The following COL26A1 variants were observed in gnomAD, a reference collection of about 807,000 sequenced individuals.
COL26A1 encodes the protein collagen alpha-1(XXVI) chain.
In COL26A1, 41 loss-of-function variants were observed where a neutral mutation model predicts 59.3. The ratio of observed to expected loss-of-function variants is 0.69; its 90% CI spans 0.54 to 0.90. The LOEUF (loss-of-function observed/expected upper bound fraction) is 0.90. Among genes scored for constraint, COL26A1 ranks in the 40% least tolerant of loss-of-function variants. The pLI, the probability that COL26A1 is intolerant of heterozygous loss-of-function variation, is 0.00. For missense variants in COL26A1, 612 were observed against 602.3 expected (o/e 1.02, Z -0.17); for synonymous variants, 266 against 256.0 (o/e 1.04, Z -0.37).
chr7:101,458,076 A>G (rs1054061106), intron 3 of COL26A1, among the ~76,000 whole-genome samples: 2 of 151,914 alleles, frequency 1.3e-5, no homozygotes, highest in African/African-American at 4.8e-5. Context: ...TTGTATTTTT[A>G]GTAGAGATGG....
rs778418830 is a variant in COL26A1 at position 101,362,993 on chromosome 7, C to T, written c.-40C>T. ...GCGCCGGTGCGCTCCTGCCGGTCCT[C>T]GTGCCCGGGACTCCGGGTCCCCGCG... On this transcript the variant is annotated 5_prime_UTR_variant, in exon 1 of 13. Coordinates refer to ENST00000313669, the MANE Select transcript of COL26A1 (RefSeq NM_001278563.3). 27 of 1,542,790 alleles carry T rather than the reference C, an allele frequency of 1.8e-5. No individual in the cohort carries two copies. The African/African-American group carries it at 2.5e-4, about 14-fold the overall frequency.
intron 3 of COL26A1, among the ~76,000 whole-genome samples, chr7:101,475,382 C>A (rs1215272675): frequency 6.6e-6 from 1 of 151,636 alleles, no homozygotes; most frequent in African/African-American, 2.4e-5. Context: ...CTTTTATGAC[C>A]CGTGTCAGGG....
chr7:101,466,849 A>G (rs1793774962), intron 3 of COL26A1, among the ~76,000 whole-genome samples: 1 of 131,504 alleles, frequency 7.6e-6, no homozygotes, highest in Admixed American at 7.7e-5. Flanking sequence ...AGAGAGAGAG[A>G]TTCAGTCTCT....
At chr7:101,381,431 C>T (rs1301040918) in intron 1 of COL26A1, among the ~76,000 whole-genome samples, 3 of 152,138 alleles carry the variant, frequency 2.0e-5, no homozygotes, top group African/African-American at 7.2e-5. Flanking sequence ...TCCCTTTAAC[C>T]ATGTGTCTTA....
chr7:101,449,796 A>G (rs1793285490), intron 3 of COL26A1, among the ~76,000 whole-genome samples: 1 of 152,146 alleles, frequency 6.6e-6, no homozygotes, highest in African/African-American at 2.4e-5. Context: ...ATTAAAAACT[A>G]TTATGCTCAT....
At chr7:101,531,664 G>C (rs1795370971) in intron 3 of COL26A1, among the ~76,000 whole-genome samples, 1 of 152,134 alleles carries the variant, frequency 6.6e-6, no homozygotes, top group South Asian at 2.1e-4. Context: ...CCGAGACTGA[G>C]CACCCTGAGG....
intron 3 of COL26A1, among the ~76,000 whole-genome samples, chr7:101,482,194 G>C (rs1414620215): frequency 3.9e-5 from 6 of 152,076 alleles, no homozygotes; most frequent in Non-Finnish European, 8.8e-5. Context: ...TTTTAGTAGA[G>C]ACGGGGTTTT....
chr7:101,517,836 T>A (rs1795063605), intron 3 of COL26A1, among the ~76,000 whole-genome samples: 1 of 128,186 alleles, frequency 7.8e-6, no homozygotes, highest in African/African-American at 3.0e-5. Flanking sequence ...TTTTTTGAGA[T>A]GAGGTCTTGC....
intron 3 of COL26A1, among the ~76,000 whole-genome samples, chr7:101,462,633 A>C (rs563057972): frequency 2.0e-4 from 31 of 151,988 alleles, no homozygotes; most frequent in African/African-American, 4.3e-4. Flanking sequence ...TCATGTATTT[A>C]TTTCTTTTTC....
At chr7:101,376,139 A>G (rs1484614782) in intron 1 of COL26A1, among the ~76,000 whole-genome samples, 1 of 10,802 alleles carries the variant, frequency 9.3e-5, no homozygotes, top group South Asian at 6.2e-3. Context: ...TGTATCTACA[A>G]AAAAAAAAAA....
intron 3 of COL26A1, among the ~76,000 whole-genome samples, chr7:101,521,848 G>A (rs544745425): frequency 6.6e-6 from 1 of 152,138 alleles, no homozygotes; most frequent in East Asian, 1.9e-4. Flanking sequence ...GCTTGTTTCT[G>A]AACTTCAGAT....
Position 101,489,810 on chromosome 7 carries a change from CTT to C in COL26A1, c.385+42025_385+42026del, listed in dbSNP as rs1161636539. ...TCTTTCTTTCTTTCTTTCTTTCTTT[CTT>C]TCTTTCTTTCTTTCTTTCTTTCTTT... is the stretch of plus-strand genomic sequence containing the variant. On this transcript the variant is annotated intron_variant, in intron 3 of 12. Coordinates refer to ENST00000313669, the MANE Select transcript of COL26A1 (RefSeq NM_001278563.3). 5.9e-3 allele frequency among the ~76,000 whole-genome samples: 21 copies of C among 3,532 alleles called. 2 individuals are homozygous for C. Among genetic ancestry groups the C allele is most frequent in the Admixed American group, 0.02 (7 of 342 alleles). The allele number at this position is 3,532 out of a possible 152,430, so 2.3% of individuals were successfully genotyped here. A position where few individuals can be genotyped will look rare whatever the true frequency, so the allele number is the denominator to read the frequency against.
At chr7:101,427,765 G>T (rs1792682272) in intron 2 of COL26A1, among the ~76,000 whole-genome samples, 1 of 152,096 alleles carries the variant, frequency 6.6e-6, no homozygotes, top group Non-Finnish European at 1.5e-5. Context: ...GCTTCCCAAA[G>T]TGCTGGGATT....
At chr7:101,395,478 C>A (rs73179269) in intron 1 of COL26A1, among the ~76,000 whole-genome samples, 9,596 of 152,266 alleles carry the variant, frequency 0.063, 318 homozygotes, top group Non-Finnish European at 0.077. Flanking sequence ...AGGCCCTCCG[C>A]CCTGGTAGCC....
chr7:101,411,236 G>A (rs1792234274), intron 1 of COL26A1, among the ~76,000 whole-genome samples: 1 of 152,200 alleles, frequency 6.6e-6, no homozygotes, highest in Non-Finnish European at 1.5e-5. Flanking sequence ...GGCCTGCCCT[G>A]TGTCCGCCGT....
At chr7:101,494,470 G>A (rs947554092) in intron 3 of COL26A1, among the ~76,000 whole-genome samples, 1 of 152,212 alleles carries the variant, frequency 6.6e-6, no homozygotes, top group African/African-American at 2.4e-5. Flanking sequence ...TTCATAATAG[G>A]AAGAGATGCT....
chr7:101,557,293 C>T (rs1465451763), intron 12 of COL26A1, 77 bp from the exon 13 acceptor site: 1 of 1,451,462 alleles, frequency 6.9e-7, no homozygotes, highest in African/African-American at 1.4e-5. Flanking sequence ...CTCTCCGTGG[C>T]CACATATCAT....
chr7:101,489,670 TTCCTTC>T (rs1563007400), intron 3 of COL26A1, among the ~76,000 whole-genome samples: 3 of 55,030 alleles, frequency 5.5e-5, no homozygotes, highest in African/African-American at 5.4e-4. Context: ...TCTTCCTTCC[TTCCTTC>T]CTTCCTTTCT....
intron 1 of COL26A1, among the ~76,000 whole-genome samples, chr7:101,386,350 G>C (rs1791577830): frequency 6.6e-6 from 1 of 150,816 alleles, no homozygotes; most frequent in Non-Finnish European, 1.5e-5. Flanking sequence ...GCTCACTGCA[G>C]CCTCAACCTC....
Sources: allele counts gnomAD v4.1 joint callset (sites outside exome capture counted in the v4.1 genomes callset), GRCh38; gene constraint gnomAD v4.1.1; transcripts MANE v1.5; gene names NCBI Gene and HGNC (gene_info 2026-07-23, HGNC 2026-07-21).